The following RBFOX1 variants were observed in gnomAD, a reference collection of about 807,000 sequenced individuals.
The protein encoded by RBFOX1 is RNA binding protein fox-1 homolog 1.
Under a neutral mutation model 57.7 loss-of-function variants are expected in RBFOX1, and 8 were observed. That is an observed-to-expected ratio of 0.14 (90% CI 0.08 to 0.25). The LOEUF is 0.25. RBFOX1 is among the 10% of genes least tolerant of loss of function. The pLI, the probability that RBFOX1 is intolerant of heterozygous loss-of-function variation, is 1.00. For missense variants in RBFOX1, 611 were observed against 548.5 expected (o/e 1.11, Z -1.14); for synonymous variants, 326 against 222.4 (o/e 1.47, Z -4.15).
intron 3 of RBFOX1, among the ~76,000 whole-genome samples, chr16:6,772,716 G>T (rs937309934): frequency 4.0e-5 from 6 of 150,772 alleles, no homozygotes; most frequent in African/African-American, 1.5e-4. Context: ...GCATTTGTAT[G>T]TGTGTGATTG....
chr16:7,213,426 G>C (rs1032330953), intron 4 of RBFOX1, among the ~76,000 whole-genome samples: 3 of 152,120 alleles, frequency 2.0e-5, no homozygotes, highest in South Asian at 2.1e-4. Context: ...ACCATTGCCT[G>C]ACATTAAAGA....
At chr16:6,795,649 CCA>C (rs2083842082) in intron 3 of RBFOX1, among the ~76,000 whole-genome samples, 1 of 151,770 alleles carries the variant, frequency 6.6e-6, no homozygotes, top group Admixed American at 6.6e-5. Flanking sequence ...GCCTGTAATC[CCA>C]GCTACTTGGG....
intron 1 of RBFOX1, among the ~76,000 whole-genome samples, chr16:6,130,150 C>A (rs1178600549): frequency 3.9e-5 from 6 of 152,060 alleles, no homozygotes; most frequent in Non-Finnish European, 8.8e-5. Flanking sequence ...GCTTTCACTT[C>A]TCTTAATTTA....
chr16:7,481,564 T>C (rs956562534), intron 4 of RBFOX1, among the ~76,000 whole-genome samples: 1 of 152,184 alleles, frequency 6.6e-6, no homozygotes, highest in African/African-American at 2.4e-5. Context: ...ACCCTTCAGA[T>C]GACTAAGGGC....
intron 4 of RBFOX1, among the ~76,000 whole-genome samples, chr16:7,373,109 T>C (rs546432272): frequency 6.6e-6 from 1 of 152,000 alleles, no homozygotes; most frequent in Admixed American, 6.6e-5. Flanking sequence ...TTTTTTTGTA[T>C]TTTTTAGTGA....
chr16:7,372,353 C>T (rs780951532), intron 4 of RBFOX1, among the ~76,000 whole-genome samples: 1 of 152,184 alleles, frequency 6.6e-6, no homozygotes. Flanking sequence ...GATCAGACAA[C>T]TGCCTAGTCT....
At chr16:5,679,016 T>G (rs549355711) in intron 3 of RBFOX1, among the ~76,000 whole-genome samples, 1 of 152,196 alleles carries the variant, frequency 6.6e-6, no homozygotes, top group Non-Finnish European at 1.5e-5. Flanking sequence ...ATGGGATAAT[T>G]GAACTGTTAG....
At chr16:5,944,121 T>G (rs866306632) in intron 4 of RBFOX1, among the ~76,000 whole-genome samples, 2 of 152,196 alleles carry the variant, frequency 1.3e-5, no homozygotes, top group South Asian at 4.1e-4. Flanking sequence ...GACACAGTAG[T>G]GAACAAGCCT....
chr16:6,525,227 T>C (rs2096562329), intron 2 of RBFOX1, among the ~76,000 whole-genome samples: 2 of 152,214 alleles, frequency 1.3e-5, no homozygotes, highest in South Asian at 2.1e-4. Context: ...TGAAGAACTG[T>C]GTGATGTCAC....
chr16:6,004,538 C>G (rs1470146133), intron 4 of RBFOX1, among the ~76,000 whole-genome samples: 1 of 152,146 alleles, frequency 6.6e-6, no homozygotes, highest in African/African-American at 2.4e-5. Flanking sequence ...CAATGAATGT[C>G]CAGAAGGTTT....
chr16:5,849,964 T>G (rs1399562618), intron 3 of RBFOX1, among the ~76,000 whole-genome samples: 1 of 152,232 alleles, frequency 6.6e-6, no homozygotes, highest in Non-Finnish European at 1.5e-5. Context: ...CCTTTGCGGA[T>G]CATCTGCTCA....
intron 3 of RBFOX1, among the ~76,000 whole-genome samples, chr16:5,861,611 C>T (rs917054530): frequency 6.6e-6 from 1 of 152,150 alleles, no homozygotes; most frequent in Non-Finnish European, 1.5e-5. Context: ...CTTAGATATC[C>T]TTGACGAACA....
intron 3 of RBFOX1, among the ~76,000 whole-genome samples, chr16:6,786,719 C>G (rs2082025528): frequency 1.3e-5 from 2 of 152,056 alleles, no homozygotes; most frequent in Non-Finnish European, 1.5e-5. Context: ...CTACGGTGCT[C>G]CCATCTAGCT....
At chr16:6,725,732 C>T (rs2067032852) in intron 3 of RBFOX1, among the ~76,000 whole-genome samples, 1 of 151,888 alleles carries the variant, frequency 6.6e-6, no homozygotes, top group Non-Finnish European at 1.5e-5. Context: ...GGTAGATTTC[C>T]ATCTGTTTTC....
chr16:7,203,344 A>G (rs1255068088), intron 4 of RBFOX1, among the ~76,000 whole-genome samples: 1 of 152,232 alleles, frequency 6.6e-6, no homozygotes, highest in Admixed American at 6.5e-5. Flanking sequence ...TGAAAAGCAG[A>G]GAGTCAAGGA....
rs192318683 is a variant in RBFOX1 at position 6,677,774 on chromosome 16, G to T, written c.-16+23124G>T. Among the ~76,000 whole-genome samples the T allele has an allele frequency of 3.8e-4, 58 of 152,210 alleles. No homozygotes were observed. The Middle Eastern group carries it at 0.014, about 36-fold the overall frequency. On this transcript the variant is annotated intron_variant, in intron 3 of 15. Coordinates refer to ENST00000550418, the MANE Select transcript of RBFOX1 (RefSeq NM_018723.4). ...TTTATCTTCTGACATCACTATACAA[G>T]TTATTAATATAGAGGAAGACTGAAC...
At chr16:6,829,909 T>G (rs1352401559) in intron 3 of RBFOX1, among the ~76,000 whole-genome samples, 2 of 151,488 alleles carry the variant, frequency 1.3e-5, no homozygotes, top group Non-Finnish European at 2.9e-5. Flanking sequence ...GCCCTTTATT[T>G]TTATTTTATT....
At chr16:6,311,374 T>C (rs1190919351) in intron 1 of RBFOX1, among the ~76,000 whole-genome samples, 1 of 150,674 alleles carries the variant, frequency 6.6e-6, no homozygotes, top group East Asian at 1.9e-4. Context: ...TCAACAAATA[T>C]AAAGGGAGAA....
intron 3 of RBFOX1, among the ~76,000 whole-genome samples, chr16:6,946,419 G>T (rs962203662): frequency 8.5e-5 from 13 of 152,184 alleles, no homozygotes; most frequent in African/African-American, 3.1e-4. Flanking sequence ...TATTGCCTGA[G>T]TTCTGTGATG....
Sources: allele counts gnomAD v4.1 joint callset (sites outside exome capture counted in the v4.1 genomes callset), GRCh38; gene constraint gnomAD v4.1.1; transcripts MANE v1.5; gene names NCBI Gene and HGNC (gene_info 2026-07-23, HGNC 2026-07-21).